CFAP299: variants seen among roughly 807,000 people sequenced by gnomAD.
CFAP299 encodes cilia and flagella associated protein 299, also known as cilia- and flagella-associated protein 299.
In CFAP299, 21 loss-of-function variants were observed where a neutral mutation model predicts 27.0. The observed-to-expected ratio is 0.78, with a 90% confidence interval of 0.55 to 1.12. The LOEUF is 1.12. Among genes scored for constraint, CFAP299 ranks in the 50% most tolerant of loss-of-function variants. The pLI is 0.00. For synonymous variants in CFAP299, 104 were observed against 98.1 expected (o/e 1.06, Z -0.36); for missense variants, 310 against 276.6 (o/e 1.12, Z -0.86).
chr4:80,717,527 C>T (rs1439927540), intron 3 of CFAP299, among the ~76,000 whole-genome samples: 1 of 152,076 alleles, frequency 6.6e-6, no homozygotes, highest in Non-Finnish European at 1.5e-5. Context: ...GAAAAAACAT[C>T]TAAAGTCCTG....
In CFAP299 at chr4:80,417,139, T is replaced by C. The variant is rs79392513; in HGVS notation, c.242+54255T>C. On this transcript the variant is annotated intron_variant, in intron 2 of 5. Transcript: ENST00000358105. ...CTGAGAGTTTCTCACCTTTTTAGAC[T>C]GTAAGGTAACTTCCTGATGTTGCCA... 9.2e-3 allele frequency among the ~76,000 whole-genome samples: 1,406 copies of C among 152,338 alleles called. 26 individuals carry two copies. Among genetic ancestry groups the C allele is most frequent in the African/African-American group, 0.032 (1,328 of 41,582 alleles).
intron 3 of CFAP299, among the ~76,000 whole-genome samples, chr4:80,868,895 G>C (rs2110166617): frequency 7.6e-6 from 1 of 130,948 alleles, no homozygotes; most frequent in South Asian, 2.6e-4. Flanking sequence ...ATGGGTGGGG[G>C]CTTCTCTCTC....
At chr4:80,594,708 C>G (rs1393332457) in intron 3 of CFAP299, among the ~76,000 whole-genome samples, 1 of 151,990 alleles carries the variant, frequency 6.6e-6, no homozygotes, top group Non-Finnish European at 1.5e-5. Context: ...AAATTTTATT[C>G]TATTCTCTGA....
chr4:80,638,124 A>G (rs1455246466), intron 3 of CFAP299, among the ~76,000 whole-genome samples: 1 of 152,196 alleles, frequency 6.6e-6, no homozygotes, highest in Admixed American at 6.5e-5. Flanking sequence ...GAGACTCAGA[A>G]AGCCTCATTG....
intron 5 of CFAP299, among the ~76,000 whole-genome samples, chr4:80,950,181 C>T (rs1737698951): frequency 6.6e-6 from 1 of 151,894 alleles, no homozygotes; most frequent in African/African-American, 2.4e-5. Flanking sequence ...AGGAGAGAGA[C>T]AGTATTGCTG....
At chr4:80,699,467 C>T (rs1493183) in intron 3 of CFAP299, among the ~76,000 whole-genome samples, 10,509 of 152,232 alleles carry the variant, frequency 0.069, 817 homozygotes, top group African/African-American at 0.18. Flanking sequence ...CAGAAACACC[C>T]TGAATCCTCA....
At chr4:80,792,391 G>GT (rs1304652248) in intron 3 of CFAP299, among the ~76,000 whole-genome samples, 1 of 152,028 alleles carries the variant, frequency 6.6e-6, no homozygotes, top group Non-Finnish European at 1.5e-5. Flanking sequence ...TAAACTGTAA[G>GT]TAATAGACTA....
intron 3 of CFAP299, among the ~76,000 whole-genome samples, chr4:80,827,280 C>T (rs1730038516): frequency 6.6e-6 from 1 of 151,724 alleles, no homozygotes; most frequent in Non-Finnish European, 1.5e-5. Context: ...ACCACTATCC[C>T]TTATAAACAT....
chr4:80,347,790 A>G (rs1417375286), intron 1 of CFAP299, among the ~76,000 whole-genome samples: 3 of 152,132 alleles, frequency 2.0e-5, no homozygotes, highest in Non-Finnish European at 1.5e-5. Context: ...ATTTTAAAAA[A>G]CATATAGAAC....
intron 2 of CFAP299, among the ~76,000 whole-genome samples, chr4:80,436,025 T>A (rs1468886089): frequency 1.3e-5 from 2 of 152,156 alleles, no homozygotes; most frequent in Non-Finnish European, 2.9e-5. Context: ...GGAAGTTTCC[T>A]CTCTGTGGAG....
chr4:80,562,670 A>AATG lies in CFAP299; in HGVS notation c.243-20421_243-20420insGAT. ...GAGACTCAATTTCAATAATAATAAT[A>AATG]ATAATAATAATAATAATAATAATAA... On this transcript the variant is annotated intron_variant, in intron 2 of 5. Transcript: ENST00000358105. Among the ~76,000 whole-genome samples, 3 of 147,372 alleles carry AATG rather than the reference A, an allele frequency of 2.0e-5. 1 individual carries two copies. The highest frequency in any genetic ancestry group is 7.4e-5 in the African/African-American group (3 of 40,504).
intron 3 of CFAP299, among the ~76,000 whole-genome samples, chr4:80,619,653 C>A (rs1235129973): frequency 6.6e-6 from 1 of 152,078 alleles, no homozygotes; most frequent in Non-Finnish European, 1.5e-5. Context: ...TCTCCAAACA[C>A]AGTGCAGTCA....
chr4:80,393,288 A>G (rs1725593733), intron 2 of CFAP299, among the ~76,000 whole-genome samples: 1 of 152,184 alleles, frequency 6.6e-6, no homozygotes, highest in South Asian at 2.1e-4. Context: ...AAAAATTGTA[A>G]AAGTTTATAA....
intron 1 of CFAP299, among the ~76,000 whole-genome samples, chr4:80,347,970 A>G (rs1432740728): frequency 6.6e-6 from 1 of 152,048 alleles, no homozygotes; most frequent in African/African-American, 2.4e-5. Context: ...GCAATAGATC[A>G]GAATAGAGAA....
At chr4:80,942,269 C>T (rs906998067) in intron 4 of CFAP299, among the ~76,000 whole-genome samples, 13 of 152,212 alleles carry the variant, frequency 8.5e-5, no homozygotes, top group African/African-American at 2.6e-4. Context: ...ACCAGTAGTA[C>T]GTGGGACAAA....
At chr4:80,355,930 G>A (rs1475242121) in intron 1 of CFAP299, among the ~76,000 whole-genome samples, 1 of 152,050 alleles carries the variant, frequency 6.6e-6, no homozygotes, top group Non-Finnish European at 1.5e-5. Context: ...GTCCTGAATG[G>A]TATTGCCTAG....
intron 3 of CFAP299, among the ~76,000 whole-genome samples, chr4:80,830,703 C>A (rs1358770820): frequency 6.6e-6 from 1 of 151,944 alleles, no homozygotes; most frequent in Non-Finnish European, 1.5e-5. Flanking sequence ...AGTGAGCCAG[C>A]AAATGAGTAA....
chr4:80,940,599 G>T (rs1202170011), intron 4 of CFAP299, among the ~76,000 whole-genome samples: 1 of 152,188 alleles, frequency 6.6e-6, no homozygotes, highest in Non-Finnish European at 1.5e-5. Context: ...CGCTGTTGCT[G>T]TAGGGGAGTG....
chr4:80,618,136 C>T (rs141883932), intron 3 of CFAP299, among the ~76,000 whole-genome samples: 175 of 152,082 alleles, frequency 1.2e-3, no homozygotes, highest in African/African-American at 3.9e-3. Flanking sequence ...ACCCTGATAG[C>T]ATATGAAGTA....
Sources: gnomAD v4.1 joint callset for allele counts (sites outside exome capture counted in the v4.1 genomes callset) on GRCh38, gnomAD v4.1.1 for gene constraint, MANE v1.5 for transcripts, NCBI Gene and HGNC (gene_info 2026-07-23, HGNC 2026-07-21) for gene names.